Variants in SSTR2 observed in about 807,000 individuals in gnomAD.
SSTR2 encodes the protein somatostatin receptor type 2.
Under a neutral mutation model 21.4 loss-of-function variants are expected in SSTR2, and 10 were observed. That is an observed-to-expected ratio of 0.47 (90% CI 0.29 to 0.79). The LOEUF (loss-of-function observed/expected upper bound fraction) is 0.79. Ranked by LOEUF, SSTR2 falls within the 30% of genes least tolerant of loss-of-function variation. The pLI is 0.10. For synonymous variants in SSTR2, 177 were observed against 181.3 expected (o/e 0.98, Z 0.19); for missense variants, 364 against 468.8 (o/e 0.78, Z 2.06).
intron 1 of SSTR2, 22 bp downstream of exon 1, chr17:73,165,310 G>A (rs998905189): frequency 2.0e-4 from 30 of 146,938 alleles, no homozygotes; most frequent in African/African-American, 6.1e-4. Context: ...GTGTGTGTGT[G>A]TGTGTGTGTG....
Position 73,172,039 on chromosome 17 carries a change from G to C in SSTR2, c.*1610G>C, listed in dbSNP as rs950799558. On this transcript the variant is annotated 3_prime_UTR_variant, in exon 2 of 2. Coordinates refer to ENST00000357585, the MANE Select transcript of SSTR2 (RefSeq NM_001050.3). The stretch of plus-strand genomic sequence containing the variant: ...CCTCACCTGCCAATGAATATGCAGC[G>C]TGCAGGGGGTGTGGTGTGAGTGTTG... The C allele has an allele frequency of 6.6e-6, 1 of 151,492 alleles. No homozygotes were observed. Among genetic ancestry groups the C allele is most frequent in the Non-Finnish European group, 1.5e-5 (1 of 68,014 alleles). The allele number at this position is 151,492 out of a possible 1,614,324, so 9.4% of individuals were successfully genotyped here.
rs1421341603 is a variant in SSTR2 at position 73,174,139 on chromosome 17, A to G, written c.*3710A>G. ...ACAAGACTCCATCTCAAAAAAAAAA[A>G]AAAAAGGAAGAAGAAAAAGAAACTT... On this transcript the variant is annotated 3_prime_UTR_variant, in exon 2 of 2. Transcript: ENST00000357585. 6.6e-6 allele frequency: 1 copy of G among 151,834 alleles called. No homozygotes were observed. The highest frequency in any genetic ancestry group is 1.9e-4 in the East Asian group (1 of 5,190). 9.4% of individuals were successfully genotyped at this position (151,834 alleles called of 1,614,324 possible).
At chr17:73,168,506 T>C (rs1331269901) in intron 1 of SSTR2, among the ~76,000 whole-genome samples, 1 of 152,222 alleles carries the variant, frequency 6.6e-6, no homozygotes, top group East Asian at 1.9e-4. Context: ...AACCAGACTT[T>C]TATTTTTAAT....
intron 1 of SSTR2, among the ~76,000 whole-genome samples, chr17:73,165,682 G>A (rs1311234582): frequency 1.3e-5 from 2 of 151,966 alleles, no homozygotes; most frequent in Non-Finnish European, 2.9e-5. Flanking sequence ...GCCGTGAGAT[G>A]CCAGCTGGGG....
At position 73,170,361 on chromosome 17, in the gene SSTR2, T is replaced by C. The variant is rs1220986181; in HGVS notation, c.1042T>C (p.Ser348Pro). 8.7e-6 allele frequency: 14 copies of C among 1,613,734 alleles called. No individual in the cohort carries two copies. Among genetic ancestry groups the C allele is most frequent in the Non-Finnish European group, 1.2e-5 (14 of 1,179,976 alleles). The change falls in exon 2 of 2, where the codon TCC becomes CCC. Residue 348 changes from serine (S) to proline (P), a missense_variant. Physicochemically the swap from Ser to Pro is moderately conservative, Grantham distance 74 (BLOSUM62 -1). Coordinates refer to ENST00000357585, the MANE Select transcript of SSTR2 (RefSeq NM_001050.3). Reference sequence around the variant, plus strand: ...GCGGAGTGACAGTAAGCAGGACAAATCCCGGCTGAATGAGACCACGGAGAC... The same window carrying C: ...GCGGAGTGACAGTAAGCAGGACAAACCCCGGCTGAATGAGACCACGGAGAC... The part of the protein sequence containing the change: ...GERSDSKQDK[S>P]RLNETTETQR...
Position 73,170,258 on chromosome 17 carries a change from C to T in SSTR2, c.939C>T (p.Ala313=). The T allele has an allele frequency of 6.2e-7, 1 of 1,614,106 alleles. No homozygotes were observed. Among genetic ancestry groups the T allele is most frequent in the Non-Finnish European group, 8.5e-7 (1 of 1,180,038 alleles). The change falls in exon 2 of 2, where the codon GCC becomes GCT. Residue 313 remains alanine, a synonymous_variant. Coordinates refer to ENST00000357585, the MANE Select transcript of SSTR2 (RefSeq NM_001050.3). ...ANSCANPILY[A]FLSDNFKKSF... ...GCTGTGCCAACCCTATCCTATATGC[C>T]TTCTTGTCTGACAACTTCAAGAAGA...
Position 73,174,941 on chromosome 17 carries a change from G to C in SSTR2, c.*4512G>C, listed in dbSNP as rs2061245190. ...GTAACAGAATTGATAACTGAGCAGG[G>C]AAACGTAATTTGGATTGTAAAATTC... On this transcript the variant is annotated 3_prime_UTR_variant, in exon 2 of 2. Coordinates refer to ENST00000357585, the MANE Select transcript of SSTR2 (RefSeq NM_001050.3). 1 of 152,668 alleles carries C rather than the reference G, an allele frequency of 6.6e-6. No individual in the cohort carries two copies. The highest frequency in any genetic ancestry group is 2.1e-4 in the South Asian group (1 of 4,824). 9.5% of individuals were successfully genotyped at this position (152,668 alleles called of 1,614,324 possible).
rs1222700513 is a variant in SSTR2 at position 73,171,270 on chromosome 17, A to C, written c.*841A>C. The stretch of plus-strand genomic sequence containing the variant: ...TTATTCATTTGCCCAAAAGGACTTA[A>C]GTGGTTGTGGTCATCCATCATTGTA... On this transcript the variant is annotated 3_prime_UTR_variant, in exon 2 of 2. Coordinates refer to ENST00000357585, the MANE Select transcript of SSTR2 (RefSeq NM_001050.3). The C allele has an allele frequency of 6.0e-6, 1 of 167,134 alleles. No homozygotes were observed. The highest frequency in any genetic ancestry group is 2.4e-5 in the African/African-American group (1 of 41,460). The allele number at this position is 167,134 out of a possible 1,614,324, so 10.4% of individuals were successfully genotyped here.
rs1442326350 is a variant in SSTR2, at chr17:73,173,435, G to A, written c.*3006G>A. ...TACACAGTTAGGTTTCTACCATAGG[G>A]AAAGCTATTCTCTACTTTTTGAAGT... On this transcript the variant is annotated 3_prime_UTR_variant, in exon 2 of 2. Coordinates refer to ENST00000357585, the MANE Select transcript of SSTR2 (RefSeq NM_001050.3). 1 of 152,176 alleles carries A rather than the reference G, an allele frequency of 6.6e-6. No homozygotes were observed. Among genetic ancestry groups the A allele is most frequent in the Non-Finnish European group, 1.5e-5 (1 of 68,038 alleles). 9.4% of individuals were successfully genotyped at this position (152,176 alleles called of 1,614,324 possible).
intron 1 of SSTR2, among the ~76,000 whole-genome samples, chr17:73,168,819 T>G (rs1057355298): frequency 4.6e-5 from 7 of 152,144 alleles, no homozygotes; most frequent in Non-Finnish European, 1.0e-4. Flanking sequence ...ATGGAAAGAC[T>G]CCAAGGCAGT....
Position 73,173,410 on chromosome 17 carries a change from T to A in SSTR2, c.*2981T>A, listed in dbSNP as rs536464816. 14 of 152,214 alleles carry A rather than the reference T, an allele frequency of 9.2e-5. No individual in the cohort carries two copies. The highest frequency in any genetic ancestry group is 2.1e-4 in the Non-Finnish European group (14 of 68,032). The allele number at this position is 152,214 out of a possible 1,614,324, so 9.4% of individuals were successfully genotyped here. A position where few individuals can be genotyped will look rare whatever the true frequency, so the allele number is the denominator to read the frequency against. Reference sequence around the variant, plus strand: ...ATCTGATGCTATAATTCCATCCAAATACACAGTTAGGTTTCTACCATAGGG... The same window carrying A: ...ATCTGATGCTATAATTCCATCCAAAAACACAGTTAGGTTTCTACCATAGGG... On this transcript the variant is annotated 3_prime_UTR_variant, in exon 2 of 2. Coordinates refer to ENST00000357585, the MANE Select transcript of SSTR2 (RefSeq NM_001050.3).
At chr17:73,166,069 G>A (rs773821827) in intron 1 of SSTR2, among the ~76,000 whole-genome samples, 1 of 152,180 alleles carries the variant, frequency 6.6e-6, no homozygotes, top group African/African-American at 2.4e-5. Flanking sequence ...TTGCTCTGAG[G>A]ATCAGCGAGT....
At chr17:73,167,256 G>A (rs761057800) in intron 1 of SSTR2, among the ~76,000 whole-genome samples, 1 of 152,100 alleles carries the variant, frequency 6.6e-6, no homozygotes, top group African/African-American at 2.4e-5. Context: ...GAAATTCCAG[G>A]TGCCTCAAAT....
Position 73,173,655 on chromosome 17 carries a change from C to A in SSTR2, c.*3226C>A, listed in dbSNP as rs916452107. The A allele has an allele frequency of 6.6e-6, 1 of 152,158 alleles. No homozygotes were observed. The highest frequency in any genetic ancestry group is 1.5e-5 in the Non-Finnish European group (1 of 68,024). 9.4% of individuals were successfully genotyped at this position (152,158 alleles called of 1,614,324 possible). A position where few individuals can be genotyped will look rare whatever the true frequency, so the allele number is the denominator to read the frequency against. ...CCCCATTGATTTCAGAGTATCTGAT[C>A]ACTTGGGTTATGCAAGCTGCTACTT... On this transcript the variant is annotated 3_prime_UTR_variant, in exon 2 of 2. Transcript: ENST00000357585.
intron 1 of SSTR2, among the ~76,000 whole-genome samples, chr17:73,166,165 C>T (rs530634403): frequency 6.6e-6 from 1 of 152,256 alleles, no homozygotes; most frequent in Non-Finnish European, 1.5e-5. Flanking sequence ...TTCTCAACCC[C>T]GTAGGCCAGC....
rs2061245174 is a variant in SSTR2, at chr17:73,174,933, T to C, written c.*4504T>C. On this transcript the variant is annotated 3_prime_UTR_variant, in exon 2 of 2. Transcript: ENST00000357585. ...TGTTTTAAGTAACAGAATTGATAACTGAGCAGGGAAACGTAATTTGGATTG... is the reference window on the plus strand; with the variant it reads ...TGTTTTAAGTAACAGAATTGATAACCGAGCAGGGAAACGTAATTTGGATTG... 1.3e-5 allele frequency: 2 copies of C among 152,742 alleles called. No homozygotes were observed. 9.5% of individuals were successfully genotyped at this position (152,742 alleles called of 1,614,324 possible).
At position 73,174,575 on chromosome 17, in the gene SSTR2, AAAG is replaced by A. The variant is rs1286977195; in HGVS notation, c.*4149_*4151del. On this transcript the variant is annotated 3_prime_UTR_variant, in exon 2 of 2. Transcript: ENST00000357585. ...ACCCTGCCCTTAAAAAAAAAAAAGA[AAAG>A]AAAAGAAAAGAAAAAAAGATTCATA... 6.6e-6 allele frequency: 1 copy of A among 151,916 alleles called. No homozygotes were observed. The highest frequency in any genetic ancestry group is 1.5e-5 in the Non-Finnish European group (1 of 68,044). The allele number at this position is 151,916 out of a possible 1,614,324, so 9.4% of individuals were successfully genotyped here. A position where few individuals can be genotyped will look rare whatever the true frequency, so the allele number is the denominator to read the frequency against.
At chr17:73,167,442 T>G (rs1489275290) in intron 1 of SSTR2, among the ~76,000 whole-genome samples, 1 of 152,190 alleles carries the variant, frequency 6.6e-6, no homozygotes, top group Non-Finnish European at 1.5e-5. Context: ...TTAACTGATC[T>G]GCAGTCTTTC....
intron 1 of SSTR2, among the ~76,000 whole-genome samples, chr17:73,167,255 G>T (rs546044419): frequency 1.6e-4 from 25 of 152,130 alleles, no homozygotes; most frequent in African/African-American, 5.8e-4. Context: ...TGAAATTCCA[G>T]GTGCCTCAAA....
Sources: allele counts gnomAD v4.1 joint callset (sites outside exome capture counted in the v4.1 genomes callset), GRCh38; gene constraint gnomAD v4.1.1; transcripts MANE v1.5; gene names NCBI Gene and HGNC (gene_info 2026-07-23, HGNC 2026-07-21).